Variants in CDC42BPB observed in about 807,000 individuals in gnomAD.
CDC42BPB encodes CDC42 binding protein kinase beta, also known as serine/threonine-protein kinase MRCK beta.
A neutral mutation model predicts 214.9 loss-of-function variants in CDC42BPB; 37 were observed. That is an observed-to-expected ratio of 0.17 (90% CI 0.13 to 0.23). The LOEUF (loss-of-function observed/expected upper bound fraction) is 0.23, where lower values mean the gene tolerates loss of function less well. Among genes scored for constraint, CDC42BPB ranks in the 10% least tolerant of loss-of-function variants. The pLI is 1.00. For missense variants in CDC42BPB, 1,694 were observed against 2,227.0 expected (o/e 0.76, Z 4.82); for synonymous variants, 931 against 884.0 (o/e 1.05, Z -0.94).
At position 102,950,473 on chromosome 14, in the gene CDC42BPB, T is replaced by C; in HGVS notation, c.3302A>G (p.His1101Arg). ...QRGIGTAYKG[H>R]VKVPKPTGVK... ...GGAGATGAAGCCGCCTACCTTGACA[T>C]GGCCTTTGTAGGCTGTTCCGATGCC... The change falls in exon 25 of 37, where the codon CAT (histidine) becomes CGT (arginine). Residue 1101 changes from histidine (H) to arginine (R), a missense_variant. This residue lies in a region of CDC42BPB where 567 missense variants were observed against 790.3 expected (regional missense o/e 0.72). Transcript: ENST00000361246. The C allele has an allele frequency of 1.2e-6, 2 of 1,613,082 alleles. No individual in the cohort carries two copies. The highest frequency in any genetic ancestry group is 1.7e-6 in the Non-Finnish European group (2 of 1,179,972).
At chr14:102,983,057 G>T (rs1894075382) in intron 7 of CDC42BPB, among the ~76,000 whole-genome samples, 1 of 152,122 alleles carries the variant, frequency 6.6e-6, no homozygotes, top group African/African-American at 2.4e-5. Flanking sequence ...AGGATGAAGG[G>T]CTCCACCATC....
intron 22 of CDC42BPB, 150 bp from the exon 23 acceptor site, chr14:102,954,425 C>T (rs1038991687): frequency 3.5e-6 from 5 of 1,441,224 alleles, no homozygotes; most frequent in Non-Finnish European, 3.7e-6. Flanking sequence ...CTGCGGAAGC[C>T]TCCCTCATCT....
chr14:102,974,255 C>CT, intron 11 of CDC42BPB, 106 bp from the exon 12 acceptor site: 1 of 1,501,978 alleles, frequency 6.7e-7, no homozygotes, highest in Non-Finnish European at 8.8e-7. Context: ...ATTCACAACA[C>CT]TTTTTCATTC....
At chr14:103,048,120 G>A (rs963836711) in intron 1 of CDC42BPB, among the ~76,000 whole-genome samples, 5 of 152,148 alleles carry the variant, frequency 3.3e-5, no homozygotes, top group Non-Finnish European at 7.4e-5. Flanking sequence ...AGGACACCCG[G>A]CCCAGGCTGA....
intron 5 of CDC42BPB, among the ~76,000 whole-genome samples, chr14:102,990,102 G>A (rs1188393661): frequency 1.3e-5 from 2 of 152,160 alleles, no homozygotes; most frequent in Admixed American, 1.3e-4. Context: ...AGTTTTGGAA[G>A]CACGCTAACG....
chr14:102,983,770 G>T lies in CDC42BPB; in HGVS notation c.691-14C>A. The T allele has an allele frequency of 6.2e-7, 1 of 1,610,224 alleles. No individual in the cohort carries two copies. The highest frequency in any genetic ancestry group is 8.5e-7 in the Non-Finnish European group (1 of 1,179,640). ...GGAGGACTGCACCTTAGGGGAGAAG[G>T]AGGTGCTGAAGGAAACCCTAGGGCA... On this transcript the variant is annotated splice_polypyrimidine_tract_variant and intron_variant, in intron 6 of 36. Coordinates refer to ENST00000361246, the MANE Select transcript of CDC42BPB (RefSeq NM_006035.4).
chr14:102,960,403 G>A (rs950140045), intron 20 of CDC42BPB, among the ~76,000 whole-genome samples: 1 of 151,668 alleles, frequency 6.6e-6, no homozygotes, highest in African/African-American at 2.4e-5. Flanking sequence ...GACTGCTTGA[G>A]GCCATGAGTT....
chr14:102,971,400 A>C (rs938747235), intron 13 of CDC42BPB, among the ~76,000 whole-genome samples: 2 of 152,222 alleles, frequency 1.3e-5, no homozygotes, highest in Non-Finnish European at 2.9e-5. Flanking sequence ...TGGGGTTGTA[A>C]TCATTCCAAC....
intron 2 of CDC42BPB, among the ~76,000 whole-genome samples, chr14:103,010,856 C>G (rs954634684): frequency 3.3e-5 from 5 of 152,140 alleles, no homozygotes; most frequent in Admixed American, 6.5e-5. Context: ...ACGGTGAAAC[C>G]CCATCTCTAC....
intron 12 of CDC42BPB, among the ~76,000 whole-genome samples, chr14:102,973,507 G>A (rs1346189602): frequency 6.6e-6 from 1 of 152,242 alleles, no homozygotes; most frequent in African/African-American, 2.4e-5. Flanking sequence ...CTCTGCTGCA[G>A]TTCCCTGTCA....
intron 4 of CDC42BPB, among the ~76,000 whole-genome samples, chr14:103,002,149 AC>A (rs1895017370): frequency 6.6e-6 from 1 of 152,170 alleles, no homozygotes; most frequent in Non-Finnish European, 1.5e-5. Flanking sequence ...TATGAGAGGC[AC>A]CTGACACCAG....
rs1272351011 is a variant in CDC42BPB at position 103,053,553 on chromosome 14, A to C, written c.175+3446T>G. On this transcript the variant is annotated intron_variant, in intron 1 of 36. Transcript: ENST00000361246. ...AAGGGGGGCAGATCACGAGGTCTGG[A>C]GATCGAGACCATCCTGGCTAACACG... Among the ~76,000 whole-genome samples, 10 of 151,802 alleles carry C rather than the reference A, an allele frequency of 6.6e-5. 1 individual carries two copies. The highest frequency in any genetic ancestry group is 1.3e-4 in the Non-Finnish European group (9 of 67,974).
intron 9 of CDC42BPB, 52 bp from the exon 10 acceptor site, chr14:102,976,101 C>A: frequency 6.3e-7 from 1 of 1,593,168 alleles, no homozygotes; most frequent in Non-Finnish European, 8.6e-7. Flanking sequence ...TTAGCGATTT[C>A]ATTAGCATTT....
chr14:103,014,167 A>AAC (rs538432871), intron 1 of CDC42BPB, among the ~76,000 whole-genome samples: 31,179 of 90,002 alleles, frequency 0.35, 4,875 homozygotes, highest in South Asian at 0.57. Flanking sequence ...CTCCGTCTCA[A>AAC]AAAAAAAAAA....
At chr14:103,054,492 C>T (rs1888830472) in intron 1 of CDC42BPB, among the ~76,000 whole-genome samples, 1 of 152,164 alleles carries the variant, frequency 6.6e-6, no homozygotes, top group African/African-American at 2.4e-5. Context: ...TAATATTGCT[C>T]TATAAATAGT....
At chr14:102,973,219 T>C (rs879635388) in intron 12 of CDC42BPB, among the ~76,000 whole-genome samples, 2 of 152,210 alleles carry the variant, frequency 1.3e-5, no homozygotes, top group African/African-American at 2.4e-5. Flanking sequence ...TGAGATGCCA[T>C]GTGCCCCACA....
chr14:103,039,928 G>A (rs1056051295), intron 1 of CDC42BPB, among the ~76,000 whole-genome samples: 1 of 152,028 alleles, frequency 6.6e-6, no homozygotes, highest in Non-Finnish European at 1.5e-5. Context: ...TAATTAAAAA[G>A]TTCAGCAATT....
chr14:102,986,021 G>A (rs1894231838), intron 6 of CDC42BPB, among the ~76,000 whole-genome samples: 1 of 152,216 alleles, frequency 6.6e-6, no homozygotes, highest in African/African-American at 2.4e-5. Context: ...GTAACACTGA[G>A]CACCTAGGAC....
Position 102,979,406 on chromosome 14 carries a change from T to A in CDC42BPB, c.1141-1201A>T, listed in dbSNP as rs553814707. On this transcript the variant is annotated intron_variant, in intron 8 of 36. Coordinates refer to ENST00000361246, the MANE Select transcript of CDC42BPB (RefSeq NM_006035.4). ...TTTGTATTTTTAGTAGAGACGGGGT[T>A]TCACCATGTTGGCTAGGCTGGTCTC... Among the ~76,000 whole-genome samples, 205 of 152,268 alleles carry A rather than the reference T, an allele frequency of 1.3e-3. 1 individual carries two copies. Among genetic ancestry groups the A allele is most frequent in the African/African-American group, 4.7e-3 (197 of 41,532 alleles).
Sources: gnomAD v4.1 joint callset for allele counts (sites outside exome capture counted in the v4.1 genomes callset) on GRCh38, gnomAD v4.1.1 for gene constraint, gnomAD v4.1.1 regional missense constraint, MANE v1.5 for transcripts, NCBI Gene and HGNC (gene_info 2026-07-23, HGNC 2026-07-21) for gene names.